The following PTN variants were observed in gnomAD, a reference collection of about 807,000 sequenced individuals.
PTN encodes heparin affin regulatory protein.
A neutral mutation model predicts 24.1 loss-of-function variants in PTN; 18 were observed. The observed-to-expected ratio is 0.75, with a 90% CI of 0.52 to 1.11. The LOEUF (loss-of-function observed/expected upper bound fraction) is 1.11, where lower values mean the gene tolerates loss of function less well. Ranked by LOEUF, PTN falls within the 50% of genes least tolerant of loss-of-function variation. The pLI, the probability that PTN is intolerant of heterozygous loss-of-function variation, is 0.00. For synonymous variants in PTN, 78 were observed against 68.6 expected (o/e 1.14, Z -0.67); for missense variants, 163 against 198.8 (o/e 0.82, Z 1.08).
chr7:137,262,614 G>C (rs1005027560), intron 1 of PTN, among the ~76,000 whole-genome samples: 1 of 152,022 alleles, frequency 6.6e-6, no homozygotes, highest in African/African-American at 2.4e-5. Context: ...CTTAAAATCC[G>C]AGCTCCTCAG....
At chr7:137,338,530 C>A (rs1316443255) in intron 1 of PTN, among the ~76,000 whole-genome samples, 3 of 152,186 alleles carry the variant, frequency 2.0e-5, no homozygotes, top group Non-Finnish European at 2.9e-5. Context: ...TCCTTTTTCT[C>A]ATAAAAATGT....
At chr7:137,302,406 T>C (rs1041832728) in intron 1 of PTN, among the ~76,000 whole-genome samples, 2 of 151,794 alleles carry the variant, frequency 1.3e-5, no homozygotes, top group Non-Finnish European at 2.9e-5. Flanking sequence ...GCTTTTAAAA[T>C]AAAAATAAGC....
intron 2 of PTN, 22 bp downstream of exon 2, chr7:137,254,837 C>T: frequency 6.8e-7 from 1 of 1,474,592 alleles, no homozygotes; most frequent in Non-Finnish European, 9.2e-7. Flanking sequence ...AAGCATCTTG[C>T]CTTCAGAACC....
chr7:137,278,029 C>T (rs570201376), intron 1 of PTN, among the ~76,000 whole-genome samples: 26 of 151,970 alleles, frequency 1.7e-4, no homozygotes, highest in African/African-American at 5.3e-4. Context: ...ACTACTGGGC[C>T]GGGCGCGGTG....
intron 4 of PTN, among the ~76,000 whole-genome samples, chr7:137,238,010 A>G (rs1808554088): frequency 6.6e-6 from 1 of 152,184 alleles, no homozygotes; most frequent in African/African-American, 2.4e-5. Flanking sequence ...CGCTAGAACA[A>G]TTTTACTTCC....
intron 1 of PTN, among the ~76,000 whole-genome samples, chr7:137,310,900 C>G (rs551670096): frequency 2.0e-5 from 3 of 152,256 alleles, no homozygotes; most frequent in African/African-American, 4.8e-5. Flanking sequence ...TGGCTTAAAA[C>G]TTTTCTTCTG....
At chr7:137,327,590 G>T (rs1810283720) in intron 1 of PTN, among the ~76,000 whole-genome samples, 1 of 152,028 alleles carries the variant, frequency 6.6e-6, no homozygotes, top group East Asian at 1.9e-4. Flanking sequence ...GAAGCCAGGA[G>T]TTCAAGACCC....
intron 1 of PTN, among the ~76,000 whole-genome samples, chr7:137,263,857 A>C (rs1010381788): frequency 2.6e-5 from 4 of 152,012 alleles, no homozygotes; most frequent in Non-Finnish European, 5.9e-5. Flanking sequence ...GGGGCCGTCC[A>C]GTCCCGGTGG....
At position 137,251,293 on chromosome 7, in the gene PTN, C is replaced by T. The variant is rs559496875; in HGVS notation, c.388G>A (p.Glu130Lys). The T allele has an allele frequency of 8.7e-6, 14 of 1,614,026 alleles. No homozygotes were observed. Among genetic ancestry groups the T allele is most frequent in the African/African-American group, 2.7e-5 (2 of 75,006 alleles). ...GAGATGGTGACAGTCTTCTGGCATT[C>T]GGCATTGTGCAGGGCTCGCTTCAGA... is the stretch of plus-strand genomic sequence containing the variant. ...GSLKRALHNA[E>K]CQKTVTISKP... Residue 130 changes from glutamate to lysine, a missense_variant, in exon 4 of 5, where the codon GAA becomes AAA. Glu to Lys is a moderately conservative substitution (Grantham distance 56). Coordinates refer to ENST00000348225, the MANE Select transcript of PTN (RefSeq NM_002825.7).
At chr7:137,341,136 A>G (rs1223420391) in intron 1 of PTN, among the ~76,000 whole-genome samples, 1 of 152,238 alleles carries the variant, frequency 6.6e-6, no homozygotes, top group Non-Finnish European at 1.5e-5. Context: ...GTGAGAAAGC[A>G]AAAATATCTT....
intron 1 of PTN, among the ~76,000 whole-genome samples, chr7:137,288,935 T>C (rs1809599115): frequency 6.6e-6 from 1 of 152,170 alleles, no homozygotes; most frequent in African/African-American, 2.4e-5. Flanking sequence ...CACTGAATAA[T>C]AATATAAACC....
intron 1 of PTN, among the ~76,000 whole-genome samples, chr7:137,299,656 C>T (rs1239786422): frequency 6.6e-6 from 1 of 151,932 alleles, no homozygotes; most frequent in Non-Finnish European, 1.5e-5. Context: ...ACACTTCCAT[C>T]AAATGTGTAA....
chr7:137,273,151 A>T (rs1166553396), intron 1 of PTN, among the ~76,000 whole-genome samples: 1 of 152,224 alleles, frequency 6.6e-6, no homozygotes, highest in Non-Finnish European at 1.5e-5. Context: ...ATTCATTTGT[A>T]AGGTTTAGAA....
chr7:137,228,389 T>C (rs1335461723), intron 4 of PTN, among the ~76,000 whole-genome samples: 1 of 151,812 alleles, frequency 6.6e-6, no homozygotes, highest in Non-Finnish European at 1.5e-5. Flanking sequence ...ATAGGCAAGA[T>C]ATTGACTTGG....
intron 1 of PTN, among the ~76,000 whole-genome samples, chr7:137,284,520 C>G (rs1330634937): frequency 6.6e-6 from 1 of 152,082 alleles, no homozygotes; most frequent in Non-Finnish European, 1.5e-5. Flanking sequence ...ATCAAAATGG[C>G]TTGGTCATGC....
At chr7:137,279,384 C>T (rs1563210221) in intron 1 of PTN, among the ~76,000 whole-genome samples, 4 of 152,124 alleles carry the variant, frequency 2.6e-5, no homozygotes, top group Admixed American at 1.3e-4. Flanking sequence ...AATTAAGATG[C>T]ACCAAAATTA....
chr7:137,308,798 G>A (rs189210357), intron 1 of PTN, among the ~76,000 whole-genome samples: 1 of 152,194 alleles, frequency 6.6e-6, no homozygotes, highest in East Asian at 1.9e-4. Flanking sequence ...ATATTAAGCA[G>A]GGACAGGAAG....
At chr7:137,274,742 G>A (rs150154422) in intron 1 of PTN, among the ~76,000 whole-genome samples, 5 of 152,144 alleles carry the variant, frequency 3.3e-5, no homozygotes, top group Non-Finnish European at 7.4e-5. Flanking sequence ...TAACTATTCT[G>A]TACTTTATAA....
intron 1 of PTN, among the ~76,000 whole-genome samples, chr7:137,322,777 A>G (rs1450049439): frequency 6.6e-6 from 1 of 152,222 alleles, no homozygotes; most frequent in Non-Finnish European, 1.5e-5. Context: ...ACACCTTTCT[A>G]GATTTGGATT....
Sources: gnomAD v4.1 joint callset for allele counts (sites outside exome capture counted in the v4.1 genomes callset) on GRCh38, gnomAD v4.1.1 for gene constraint, MANE v1.5 for transcripts, NCBI Gene and HGNC (gene_info 2026-07-23, HGNC 2026-07-21) for gene names.